The following PDE1C variants were observed in gnomAD, a reference collection of about 807,000 sequenced individuals.
PDE1C encodes the protein dual specificity calcium/calmodulin-dependent 3',5'-cyclic nucleotide phosphodiesterase 1C.
Under a neutral mutation model 93.1 loss-of-function variants are expected in PDE1C, and 62 were observed. The ratio of observed to expected loss-of-function variants is 0.67; its 90% CI spans 0.54 to 0.82. The LOEUF (loss-of-function observed/expected upper bound fraction) is 0.82. Among genes scored for constraint, PDE1C ranks in the 40% least tolerant of loss-of-function variants. The pLI, the probability that PDE1C is intolerant of heterozygous loss-of-function variation, is 0.00. For missense variants in PDE1C, 742 were observed against 884.6 expected (o/e 0.84, Z 2.04); for synonymous variants, 325 against 310.1 (o/e 1.05, Z -0.50).
At chr7:31,940,916 C>T (rs1805750600) in intron 2 of PDE1C, among the ~76,000 whole-genome samples, 1 of 152,008 alleles carries the variant, frequency 6.6e-6, no homozygotes, top group Admixed American at 6.6e-5. Flanking sequence ...CTGCCCACCT[C>T]AGCCCTTACA....
chr7:31,651,361 G>A, the PDE1C span: 2 of 1,421,310 alleles, frequency 1.4e-6, no homozygotes, highest in Non-Finnish European at 1.9e-6. Flanking sequence ...GCACCCTGGA[G>A]CAGAGCTAAT....
At chr7:31,741,860 C>A in the PDE1C span, among the ~76,000 whole-genome samples, 2 of 152,186 alleles carry the variant, frequency 1.3e-5, no homozygotes, top group Non-Finnish European at 2.9e-5. Flanking sequence ...GGGACCAGGT[C>A]CCATGTGCCC....
At chr7:32,119,581 G>A (rs1406666355) in intron 3 of PDE1C, among the ~76,000 whole-genome samples, 2 of 152,230 alleles carry the variant, frequency 1.3e-5, no homozygotes, top group Non-Finnish European at 2.9e-5. Flanking sequence ...GCACCAGCAA[G>A]CAAGGTATCC....
At chr7:32,151,242 T>C (rs930530853) in intron 3 of PDE1C, among the ~76,000 whole-genome samples, 2 of 152,126 alleles carry the variant, frequency 1.3e-5, no homozygotes, top group African/African-American at 4.8e-5. Flanking sequence ...ACAAACAGAA[T>C]GATAAAGGAC....
At chr7:31,673,988 C>G in the PDE1C span, among the ~76,000 whole-genome samples, 4 of 152,132 alleles carry the variant, frequency 2.6e-5, no homozygotes, top group African/African-American at 9.7e-5. Context: ...ATTTCATTCA[C>G]AAAAGCTTAC....
rs1169711396 is a variant in PDE1C at position 31,804,226 on chromosome 7, C to CTTAA, written c.1891+4804_1891+4805insTTAA. Among the ~76,000 whole-genome samples the CTTAA allele has an allele frequency of 2.6e-5, 4 of 151,908 alleles. No individual in the cohort carries two copies. The East Asian group carries it at 7.8e-4, about 30-fold the overall frequency. The stretch of plus-strand genomic sequence containing the variant: ...TTGCTTTTAAGATTGTTAGATAGAA[C>CTTAA]CAGAGCAGCATATAGGCTACAGCTT... On this transcript the variant is annotated intron_variant, in intron 16 of 17. Coordinates refer to ENST00000396191, the MANE Select transcript of PDE1C (RefSeq NM_001191057.4).
At chr7:31,885,945 T>C (rs1170107965) in intron 2 of PDE1C, among the ~76,000 whole-genome samples, 3 of 152,212 alleles carry the variant, frequency 2.0e-5, no homozygotes, top group African/African-American at 7.2e-5. Flanking sequence ...AAAAAGAAGC[T>C]ATGGAAACAT....
chr7:31,897,084 T>C (rs1296637553), intron 2 of PDE1C, among the ~76,000 whole-genome samples: 1 of 152,226 alleles, frequency 6.6e-6, no homozygotes, highest in Non-Finnish European at 1.5e-5. Flanking sequence ...ATGAAGCAAT[T>C]GTGTACGTCA....
At chr7:31,857,289 C>T (rs773298099) in intron 7 of PDE1C, among the ~76,000 whole-genome samples, 21 of 152,070 alleles carry the variant, frequency 1.4e-4, no homozygotes, top group Non-Finnish European at 2.8e-4. Flanking sequence ...GCCCAACTGC[C>T]CTTTTTTTCC....
At chr7:32,367,561 A>C (rs1784250635) in intron 1 of PDE1C, among the ~76,000 whole-genome samples, 1 of 152,228 alleles carries the variant, frequency 6.6e-6, no homozygotes, top group Non-Finnish European at 1.5e-5. Context: ...AAAGAGATGA[A>C]AAACGATATT....
At chr7:32,009,620 A>G (rs577474865) in intron 2 of PDE1C, among the ~76,000 whole-genome samples, 5 of 152,378 alleles carry the variant, frequency 3.3e-5, no homozygotes, top group African/African-American at 1.2e-4. Flanking sequence ...TTATAAGATC[A>G]GCAATGAGAC....
intron 1 of PDE1C, among the ~76,000 whole-genome samples, chr7:32,382,195 G>T (rs1784550351): frequency 6.6e-6 from 1 of 152,054 alleles, no homozygotes; most frequent in African/African-American, 2.4e-5. Context: ...GGAGCTCATT[G>T]TCCAGCCTGG....
chr7:31,655,904 C>G, the PDE1C span: 16 of 985,518 alleles, frequency 1.6e-5, no homozygotes, highest in Non-Finnish European at 1.9e-5. Context: ...ATGTCCCTCA[C>G]CTGGCAGCCA....
intron 2 of PDE1C, among the ~76,000 whole-genome samples, chr7:32,017,693 G>A (rs544054174): frequency 6.6e-6 from 1 of 152,240 alleles, no homozygotes; most frequent in East Asian, 1.9e-4. Context: ...TAAAGGATCT[G>A]AATAGACATT....
Position 31,758,513 on chromosome 7 carries a change from C to T in PDE1C, c.1961-4960G>A, listed in dbSNP as rs116497192. Among the ~76,000 whole-genome samples the T allele has an allele frequency of 3.6e-3, 554 of 152,192 alleles. 2 individuals are homozygous for T. Among genetic ancestry groups the T allele is most frequent in the African/African-American group, 0.012 (513 of 41,538 alleles). ...GGGCTTCCATTCTAATAAGATCCTTCGAAACTTTTAACTCACTCACAGAAA... is the reference window on the plus strand; with the variant it reads ...GGGCTTCCATTCTAATAAGATCCTTTGAAACTTTTAACTCACTCACAGAAA... On this transcript the variant is annotated intron_variant, in intron 17 of 17. Transcript: ENST00000396191.
chr7:31,652,644 G>A, the PDE1C span: 7 of 1,613,850 alleles, frequency 4.3e-6, no homozygotes, highest in South Asian at 1.1e-5. Flanking sequence ...CCCGAGGACT[G>A]TGTTTCCTCC....
chr7:31,719,918 G>A, the PDE1C span, among the ~76,000 whole-genome samples: 1 of 152,066 alleles, frequency 6.6e-6, no homozygotes, highest in African/African-American at 2.4e-5. Context: ...GAAGTCTAAT[G>A]TGGGGAGGCC....
Position 32,164,095 on chromosome 7 carries a change from G to GA in PDE1C, c.308+5689dup, listed in dbSNP as rs547089069. On this transcript the variant is annotated intron_variant, in intron 3 of 18. Coordinates refer to the PDE1C transcript ENST00000396193. ...TCCAAAGCCCATGTCTCACCACTCTGAAGGTGGTGGTCCTCAGACTATTGC... is the reference window on the plus strand; with the variant it reads ...TCCAAAGCCCATGTCTCACCACTCTGAAAGGTGGTGGTCCTCAGACTATTGC... Among the ~76,000 whole-genome samples, 6 of 152,324 alleles carry GA rather than the reference G, an allele frequency of 3.9e-5. No homozygotes were observed. In the South Asian group the frequency reaches 1.2e-3, roughly 32 times the overall value.
intron 1 of PDE1C, among the ~76,000 whole-genome samples, chr7:32,272,402 A>C (rs910520295): frequency 6.6e-6 from 1 of 152,214 alleles, no homozygotes; most frequent in Non-Finnish European, 1.5e-5. Context: ...TTCAGAAAAA[A>C]AGTGACGTCT....
Sources: allele counts gnomAD v4.1 joint callset (sites outside exome capture counted in the v4.1 genomes callset), GRCh38; gene constraint gnomAD v4.1.1; transcripts MANE v1.5; gene names NCBI Gene and HGNC (gene_info 2026-07-23, HGNC 2026-07-21).